The following SUPT5H variants were observed in gnomAD, a reference collection of about 807,000 sequenced individuals.
SUPT5H encodes the protein SPT5 homolog, DSIF elongation factor subunit.
SUPT5H carries 24 observed loss-of-function variants against 142.5 expected under a neutral mutation model. The observed-to-expected ratio is 0.17, with a 90% CI of 0.12 to 0.24. SUPT5H has a LOEUF of 0.24. Among genes scored for constraint, SUPT5H ranks in the 10% least tolerant of loss-of-function variants. The probability of loss-of-function intolerance (pLI) is 1.00; values close to 1 mark genes in which losing one functional copy is unlikely to be tolerated. For synonymous variants in SUPT5H, 546 were observed against 553.0 expected, an observed-to-expected ratio of 0.99 and a Z score of 0.18; for missense variants, 893 against 1,471.8, an observed-to-expected ratio of 0.61 and a Z score of 6.43.
At chr19:39,461,420 G>A (rs1476426925) in intron 10 of SUPT5H, among the ~76,000 whole-genome samples, 1 of 152,134 alleles carries the variant, frequency 6.6e-6, no homozygotes, top group African/African-American at 2.4e-5. Flanking sequence ...TTTTGGCTAG[G>A]TGTGGTGGCT....
Position 39,465,026 on chromosome 19 carries a change from A to G in SUPT5H, c.853A>G (p.Ile285Val). The G allele has an allele frequency of 6.2e-7, 1 of 1,614,050 alleles. No homozygotes were observed. The highest frequency in any genetic ancestry group is 2.2e-5 in the East Asian group (1 of 44,892). Residue 285 changes from isoleucine (I) to valine (V), a missense_variant, in exon 11 of 30, where the codon ATC becomes GTC. Around this residue, in one of 6 missense-constraint regions of SUPT5H, gnomAD observed 428 missense variants for 763.5 expected, o/e 0.56. Transcript: ENST00000432763. ...GTCCTGGGTCCGCCTCAAGCGGGGCATCTACAAGGATGACATTGCTCAGGT... is the reference window on the plus strand; with the variant it reads ...GTCCTGGGTCCGCCTCAAGCGGGGCGTCTACAAGGATGACATTGCTCAGGT... ...PKSWVRLKRG[I>V]YKDDIAQVDY...
intron 11 of SUPT5H, 24 bp downstream of exon 11, chr19:39,465,073 G>C (rs1401207027): frequency 6.2e-7 from 1 of 1,600,472 alleles, no homozygotes; most frequent in South Asian, 1.1e-5. Context: ...GGTGGCATGG[G>C]GGTCAGGGTC....
chr19:39,451,659 G>A (rs1048255663), intron 2 of SUPT5H, among the ~76,000 whole-genome samples: 1 of 152,162 alleles, frequency 6.6e-6, no homozygotes, highest in African/African-American at 2.4e-5. Flanking sequence ...AGCCTCCTGA[G>A]TAGCTGGGAG....
At chr19:39,459,795 G>A (rs2079137602) in intron 9 of SUPT5H, 97 bp from the exon 10 acceptor site, 3 of 1,411,844 alleles carry the variant, frequency 2.1e-6, no homozygotes, top group Non-Finnish European at 3.0e-6. Context: ...TCCTCTCTTG[G>A]TCCTACTTTA....
Position 39,468,795 on chromosome 19 carries a change from C to A in SUPT5H, c.1077C>A (p.Leu359=). 1 of 1,614,130 alleles carries A rather than the reference C, an allele frequency of 6.2e-7. No homozygotes were observed. Among genetic ancestry groups the A allele is most frequent in the Non-Finnish European group, 8.5e-7 (1 of 1,180,008 alleles). The change falls in exon 14 of 30, where the codon CTC becomes CTA. Residue 359 remains leucine, a synonymous_variant. Transcript: ENST00000432763. ...GGDVASDGDF[L]IFEGNRYSRK... is the part of the protein sequence containing the mutation. Reference sequence around the variant, plus strand: ...ATGTTGCCTCTGATGGTGACTTCCTCATCTTTGAGGGGAACCGTTACAGCC... The same window carrying A: ...ATGTTGCCTCTGATGGTGACTTCCTAATCTTTGAGGGGAACCGTTACAGCC...
chr19:39,451,212 A>G (rs1220188635), intron 2 of SUPT5H, among the ~76,000 whole-genome samples: 13 of 131,908 alleles, frequency 9.9e-5, no homozygotes, highest in African/African-American at 3.5e-4. Context: ...TTTTTGAGAC[A>G]GAGTCTTGCT....
rs570317057 is a variant in SUPT5H, at chr19:39,469,492, G to A, written c.1374+94G>A. The A allele has an allele frequency of 4.9e-4, 757 of 1,558,750 alleles. No homozygotes were observed. Among genetic ancestry groups the A allele is most frequent in the Non-Finnish European group, 6.4e-4 (737 of 1,142,692 alleles). Reference sequence around the variant, plus strand: ...GGCGGTGGTGTGCCTGGTGACACCTGGTTTCCAGGAGGGTAAGTTGAGGCC... The same window carrying A: ...GGCGGTGGTGTGCCTGGTGACACCTAGTTTCCAGGAGGGTAAGTTGAGGCC... On this transcript the variant is annotated intron_variant, in intron 16 of 29. Transcript: ENST00000432763. This position sits in a 1 kb window ranked among gnomAD's most constrained non-coding sequence, Gnocchi z 5.1.
chr19:39,476,218 G>C (rs770996171), intron 29 of SUPT5H, 38 bp from the exon 30 acceptor site: 1 of 1,614,054 alleles, frequency 6.2e-7, no homozygotes. Flanking sequence ...GCCGTTGGGT[G>C]CTGACATGGA....
In SUPT5H at chr19:39,466,359, A is replaced by T; in HGVS notation, c.877-121A>T. The T allele has an allele frequency of 1.1e-6, 1 of 903,090 alleles. No homozygotes were observed. The highest frequency in any genetic ancestry group is 1.4e-5 in the South Asian group (1 of 69,180). 55.9% of individuals were successfully genotyped at this position (903,090 alleles called of 1,614,324 possible). A position where few individuals can be genotyped will look rare whatever the true frequency, so the allele number is the denominator to read the frequency against. The stretch of plus-strand genomic sequence containing the variant: ...CGTGGGACTTTTGGGAGTGGTCAGC[A>T]GCCTGGTTTCTTCCCCACCATCCTG... On this transcript the variant is annotated intron_variant, in intron 11 of 29. Transcript: ENST00000432763. This position sits in a 1 kb window ranked among gnomAD's most constrained non-coding sequence, Gnocchi z 4.3.
chr19:39,474,998 A>C lies in SUPT5H; in HGVS notation c.3024+280A>C. ...AGTGACTGGGGTGAGTGAGTTCCAAATGGAGGGAACTGCATGTGCAGAGGC... is the reference window on the plus strand; with the variant it reads ...AGTGACTGGGGTGAGTGAGTTCCAACTGGAGGGAACTGCATGTGCAGAGGC... On this transcript the variant is annotated intron_variant, in intron 28 of 29. Coordinates refer to ENST00000432763, the MANE Select transcript of SUPT5H (RefSeq NM_001111020.3). The surrounding 1 kb of genome is among the most constrained non-coding windows in gnomAD (Gnocchi z 6.5). The C allele has an allele frequency of 1.4e-5, 7 of 501,490 alleles. No homozygotes were observed. The highest frequency in any genetic ancestry group is 1.8e-5 in the Non-Finnish European group (5 of 275,562). 31.1% of individuals were successfully genotyped at this position (501,490 alleles called of 1,614,324 possible).
intron 4 of SUPT5H, 183 bp downstream of exon 4, chr19:39,457,923 GGGGGTGGGGCCCT>G (rs771498571): frequency 3.6e-6 from 4 of 1,126,300 alleles, no homozygotes; most frequent in South Asian, 2.7e-5. Context: ...CCCATGAGTG[GGGGGTGGGGCCCT>G]GGGGTGGGGA....
Position 39,472,642 on chromosome 19 carries a change from C to A in SUPT5H, c.2035+149C>A, listed in dbSNP as rs562021808. ...CACAGGAGGGTAGACGCCACAGTGACAGCCCAGAATGGTCAGGGCTTCCAT... is the reference window on the plus strand; with the variant it reads ...CACAGGAGGGTAGACGCCACAGTGAAAGCCCAGAATGGTCAGGGCTTCCAT... On this transcript the variant is annotated intron_variant, in intron 21 of 29. Coordinates refer to ENST00000432763, the MANE Select transcript of SUPT5H (RefSeq NM_001111020.3). This position sits in a 1 kb window ranked among gnomAD's most constrained non-coding sequence, Gnocchi z 4.2. 6.5e-6 allele frequency: 9 copies of A among 1,382,656 alleles called. No homozygotes were observed. The African/African-American group carries it at 7.2e-5, about 11-fold the overall frequency. The allele number at this position is 1,382,656 out of a possible 1,614,324, so 85.6% of individuals were successfully genotyped here.
At chr19:39,453,012 C>CAAAA (rs201092518) in intron 2 of SUPT5H, among the ~76,000 whole-genome samples, 1 of 109,352 alleles carries the variant, frequency 9.1e-6, no homozygotes. Flanking sequence ...GACTCTGTCT[C>CAAAA]AAAAAAAAAA....
Position 39,470,639 on chromosome 19 carries a change from CT to C in SUPT5H, c.1677+117del. On this transcript the variant is annotated intron_variant, in intron 18 of 29. Coordinates refer to ENST00000432763, the MANE Select transcript of SUPT5H (RefSeq NM_001111020.3). This position sits in a 1 kb window ranked among gnomAD's most constrained non-coding sequence, Gnocchi z 5.8. Reference sequence around the variant, plus strand: ...ACTGCTCTGGGTTGCAGATCTGGCTCTGTCACTTACATCTGAATGGCTGATA... The same window carrying C: ...ACTGCTCTGGGTTGCAGATCTGGCTCGTCACTTACATCTGAATGGCTGATA... 1 of 1,205,286 alleles carries C rather than the reference CT, an allele frequency of 8.3e-7. No homozygotes were observed. The highest frequency in any genetic ancestry group is 1.1e-6 in the Non-Finnish European group (1 of 885,802). The allele number at this position is 1,205,286 out of a possible 1,614,324, so 74.7% of individuals were successfully genotyped here.
Position 39,474,832 on chromosome 19 carries a change from G to C in SUPT5H, c.3024+114G>C. On this transcript the variant is annotated intron_variant, in intron 28 of 29. Transcript: ENST00000432763. The surrounding 1 kb of genome is among the most constrained non-coding windows in gnomAD (Gnocchi z 6.5). ...GCCCAGAGTGGGCAGAGCTGGGATT[G>C]AGGAAGCCTAGAGGGCAAGGGGAGC... The C allele has an allele frequency of 8.1e-7, 1 of 1,230,764 alleles. No individual in the cohort carries two copies. Among genetic ancestry groups the C allele is most frequent in the East Asian group, 2.5e-5 (1 of 39,232 alleles). 76.2% of individuals were successfully genotyped at this position (1,230,764 alleles called of 1,614,324 possible). A position where few individuals can be genotyped will look rare whatever the true frequency, so the allele number is the denominator to read the frequency against.
chr19:39,473,232 C>G lies in SUPT5H; in HGVS notation c.2288C>G (p.Ser763Trp). The part of the protein sequence containing the change: ...VGSRRPGGMT[S>W]TYGRTPMYGS... ...TCACGGCGCCCGGGCGGCATGACCT[C>G]GACCTATGGGAGGACGCCCATGTAT... The change falls in exon 24 of 30, where the codon TCG (serine) becomes TGG (tryptophan). Residue 763 changes from serine to tryptophan, a missense_variant. Ser to Trp is a radical substitution (Grantham distance 177). Around this residue, in one of 6 missense-constraint regions of SUPT5H, gnomAD observed 336 missense variants for 546.5 expected, o/e 0.61. Transcript: ENST00000432763. This position sits in a 1 kb window ranked among gnomAD's most constrained non-coding sequence, Gnocchi z 5.8. The G allele has an allele frequency of 5.6e-6, 9 of 1,613,324 alleles. No homozygotes were observed. The highest frequency in any genetic ancestry group is 7.6e-6 in the Non-Finnish European group (9 of 1,179,946).
chr19:39,451,748 T>A (rs1022152567), intron 2 of SUPT5H, among the ~76,000 whole-genome samples: 1 of 151,848 alleles, frequency 6.6e-6, no homozygotes, highest in African/African-American at 2.4e-5. Flanking sequence ...GCTAGGCGGG[T>A]CTTGTACTCC....
chr19:39,462,540 GT>G (rs893034752), intron 10 of SUPT5H, among the ~76,000 whole-genome samples: 1 of 150,048 alleles, frequency 6.7e-6, no homozygotes, highest in Non-Finnish European at 1.5e-5. Flanking sequence ...TTTTTTGTTT[GT>G]TTTTTTGAGA....
chr19:39,468,680 G>C (rs1055890432), intron 13 of SUPT5H, 76 bp from the exon 14 acceptor site: 4 of 1,329,212 alleles, frequency 3.0e-6, no homozygotes, highest in Middle Eastern at 3.7e-4. Flanking sequence ...TCTGTTGCCA[G>C]CTGAGAAGAC....
Sources: allele counts gnomAD v4.1 joint callset (sites outside exome capture counted in the v4.1 genomes callset), GRCh38; gene constraint gnomAD v4.1.1; regional missense constraint gnomAD v4.1.1; non-coding constraint Gnocchi (gnomAD v3.1); transcripts MANE v1.5; gene names NCBI Gene and HGNC (gene_info 2026-07-23, HGNC 2026-07-21).